Variants in CDKL5 observed in about 807,000 individuals in gnomAD.
The protein encoded by CDKL5 is cyclin-dependent kinase-like 5.
A neutral mutation model predicts 61.7 loss-of-function variants in CDKL5; 8 were observed. That is an observed-to-expected ratio of 0.13 (90% CI 0.08 to 0.23). The LOEUF is 0.23. CDKL5 is among the 10% of genes least tolerant of loss of function. CDKL5 has a pLI of 1.00. For synonymous variants in CDKL5, 275 were observed against 272.3 expected, an observed-to-expected ratio of 1.01 and a Z score of -0.10; for missense variants, 440 against 734.5, an observed-to-expected ratio of 0.60 and a Z score of 4.63.
chrX:18,644,222 A>C (rs998155307), downstream of CDKL5, among the ~76,000 whole-genome samples: 3 of 111,995 alleles, frequency 2.7e-5, no homozygotes, highest in Non-Finnish European at 5.6e-5. Context: ...TTTTGAGCTT[A>C]AGAATAGCAT....
intron 9 of CDKL5, chrX:18,588,426 C>T: frequency 4.3e-6 from 1 of 234,895 alleles, no homozygotes; most frequent in Non-Finnish European, 7.5e-6. Flanking sequence ...CTTTGGTTAT[C>T]TTATATTGTT....
chrX:18,585,174 G>A (rs1247609724), intron 8 of CDKL5, among the ~76,000 whole-genome samples: 2 of 111,351 alleles, frequency 1.8e-5, no homozygotes, highest in South Asian at 3.8e-4. Context: ...CCAGCAGATC[G>A]CTTGAGCTCA....
intron 1 of CDKL5, chrX:18,426,372 G>C (rs1206138144): frequency 8.9e-6 from 1 of 112,846 alleles, no homozygotes; most frequent in Non-Finnish European, 1.9e-5. Context: ...TCGGATTCTG[G>C]GATTTGGAAC....
At chrX:18,624,121 G>A (rs1330388571) in intron 16 of CDKL5, 1 of 236,867 alleles carries the variant, frequency 4.2e-6, no homozygotes, top group African/African-American at 3.0e-5. Flanking sequence ...AAGTACGTGA[G>A]CCAGTTCCAT....
intron 11 of CDKL5, among the ~76,000 whole-genome samples, chrX:18,599,897 C>G (rs1316386539): frequency 1.8e-5 from 2 of 111,799 alleles, no homozygotes; most frequent in Non-Finnish European, 3.8e-5. Flanking sequence ...TGCAGTGGTG[C>G]AATCATGGCC....
intron 4 of CDKL5, among the ~76,000 whole-genome samples, chrX:18,565,066 C>G (rs781061519): frequency 8.9e-6 from 1 of 112,038 alleles, no homozygotes; most frequent in East Asian, 2.8e-4. Flanking sequence ...GGGCCTTCAT[C>G]ACATCCAGAC....
In CDKL5 at chrX:18,634,086, T is replaced by G; in HGVS notation, c.*5329T>G. ...CAAGGTTAAGCTCTCGAAACCCCAT[T>G]TGATCCTTGGTTCCTATTTCGATCC... is the stretch of plus-strand genomic sequence containing the variant. On this transcript the variant is annotated 3_prime_UTR_variant, in exon 18 of 18. Coordinates refer to ENST00000623535, the MANE Select transcript of CDKL5 (RefSeq NM_001323289.2). 1 of 754,209 alleles carries G rather than the reference T, an allele frequency of 1.3e-6. No homozygotes were observed. Among genetic ancestry groups the G allele is most frequent in the Non-Finnish European group, 1.6e-6 (1 of 639,341 alleles). 62.2% of individuals were successfully genotyped at this position (754,209 alleles called of 1,213,427 possible). A position where few individuals can be genotyped will look rare whatever the true frequency, so the allele number is the denominator to read the frequency against.
intron 3 of CDKL5, among the ~76,000 whole-genome samples, chrX:18,522,793 AT>A (rs199694634): frequency 0.028 from 2,379 of 84,535 alleles, 50 homozygotes; most frequent in East Asian, 0.14. Flanking sequence ...AATATTATCG[AT>A]TTTTTTTTTT....
intron 3 of CDKL5, among the ~76,000 whole-genome samples, chrX:18,553,408 AGTT>A (rs368273746): frequency 3.6e-5 from 4 of 110,346 alleles, no homozygotes; most frequent in African/African-American, 9.9e-5. Flanking sequence ...GAGAAAACAG[AGTT>A]GTTGTGTTGG....
At chrX:18,549,413 A>G (rs1924308556) in intron 3 of CDKL5, among the ~76,000 whole-genome samples, 1 of 112,331 alleles carries the variant, frequency 8.9e-6, no homozygotes, top group Non-Finnish European at 1.9e-5. Flanking sequence ...TGGACCATGC[A>G]TTTTTATGCT....
chrX:18,466,573 T>C (rs1416000987), intron 1 of CDKL5, among the ~76,000 whole-genome samples: 4 of 111,305 alleles, frequency 3.6e-5, no homozygotes, highest in Non-Finnish European at 7.5e-5. Context: ...TGGAGTGTGG[T>C]TGCTCATTGC....
chrX:18,651,220 AGTGTGTGTGTGTGTGTGT>A (rs3838188), intron 21 of CDKL5, among the ~76,000 whole-genome samples: 6 of 65,191 alleles, frequency 9.2e-5, no homozygotes, highest in Admixed American at 1.8e-4. Context: ...GGCAGGAGCA[AGTGTGTGTGTGTGTGTGT>A]GTGTGTGTGT....
intron 3 of CDKL5, among the ~76,000 whole-genome samples, chrX:18,511,777 G>A (rs1301923189): frequency 8.9e-6 from 1 of 112,116 alleles, no homozygotes; most frequent in Non-Finnish European, 1.9e-5. Context: ...GAGAAAAGGT[G>A]GTGGGACAGG....
chrX:18,622,336 A>G (rs776349028), intron 16 of CDKL5, among the ~76,000 whole-genome samples: 20 of 112,265 alleles, frequency 1.8e-4, no homozygotes, highest in Non-Finnish European at 3.6e-4. Flanking sequence ...AAGCTTTACC[A>G]ACCCAAAAGT....
At chrX:18,479,579 A>G (rs1375822620) in intron 1 of CDKL5, among the ~76,000 whole-genome samples, 1 of 110,287 alleles carries the variant, frequency 9.1e-6, no homozygotes, top group Non-Finnish European at 1.9e-5. Context: ...TCGGCCTCCC[A>G]AAGTGCTGGG....
chrX:18,553,950 G>C (rs140306214), intron 3 of CDKL5, among the ~76,000 whole-genome samples: 1 of 110,825 alleles, frequency 9.0e-6, no homozygotes, highest in African/African-American at 3.3e-5. Flanking sequence ...TACTCTTAGC[G>C]TACCATTTAA....
chrX:18,448,818 A>C (rs995715146), intron 1 of CDKL5, among the ~76,000 whole-genome samples: 1 of 111,881 alleles, frequency 8.9e-6, no homozygotes, highest in Admixed American at 9.5e-5. Flanking sequence ...GGAAAAATGT[A>C]TCTTTGGAGG....
At chrX:18,555,662 A>G (rs1924575766) in intron 3 of CDKL5, among the ~76,000 whole-genome samples, 2 of 112,209 alleles carry the variant, frequency 1.8e-5, no homozygotes, top group African/African-American at 6.5e-5. Flanking sequence ...ATCATATAAC[A>G]CTTGTTATAC....
At chrX:18,625,298 C>T in intron 17 of CDKL5, 51 bp downstream of exon 17, 8 of 1,185,220 alleles carry the variant, frequency 6.7e-6, no homozygotes, top group Non-Finnish European at 9.1e-6. Flanking sequence ...CAGTAACTGT[C>T]CTGAGGAGCG....
Sources: gnomAD v4.1 joint callset for allele counts (sites outside exome capture counted in the v4.1 genomes callset) on GRCh38, gnomAD v4.1.1 for gene constraint, MANE v1.5 for transcripts, NCBI Gene and HGNC (gene_info 2026-07-23, HGNC 2026-07-21) for gene names.